The following CMPK1 variants were observed in gnomAD, a reference collection of about 807,000 sequenced individuals.
The protein encoded by CMPK1 is UMP-CMP kinase.
In CMPK1, 10 loss-of-function variants were observed where a neutral mutation model predicts 25.7. The observed-to-expected ratio is 0.39, with a 90% CI of 0.24 to 0.66. The LOEUF (loss-of-function observed/expected upper bound fraction) is 0.66. CMPK1 is among the 30% of genes least tolerant of loss of function. CMPK1 has a pLI of 0.48. For synonymous variants in CMPK1, 106 were observed against 101.5 expected (o/e 1.04, Z -0.27); for missense variants, 199 against 280.5 (o/e 0.71, Z 2.08).
intron 1 of CMPK1, among the ~76,000 whole-genome samples, chr1:47,342,642 C>CTTT (rs1421702982): frequency 2.5e-5 from 3 of 118,454 alleles, no homozygotes; most frequent in Admixed American, 9.2e-5. Context: ...TCCTTTTTCT[C>CTTT]TTTTTTCTTT....
chr1:47,335,591 C>G (rs1255943148), intron 1 of CMPK1, among the ~76,000 whole-genome samples: 1 of 140,914 alleles, frequency 7.1e-6, no homozygotes, highest in Non-Finnish European at 1.5e-5. Context: ...GAGCCCATAT[C>G]GCGCCACTGC....
intron 1 of CMPK1, among the ~76,000 whole-genome samples, chr1:47,335,871 T>C (rs1298897683): frequency 6.6e-6 from 1 of 151,754 alleles, no homozygotes; most frequent in Non-Finnish European, 1.5e-5. Context: ...TCAAGCGATT[T>C]TCCTGCCTCA....
At chr1:47,368,953 T>A (rs891254139) in intron 2 of CMPK1, among the ~76,000 whole-genome samples, 1 of 152,022 alleles carries the variant, frequency 6.6e-6, no homozygotes, top group African/African-American at 2.4e-5. Context: ...TAAACAACAA[T>A]AATAATAAAA....
At chr1:47,357,697 C>T (rs979087982) in intron 1 of CMPK1, among the ~76,000 whole-genome samples, 9 of 151,886 alleles carry the variant, frequency 5.9e-5, no homozygotes, top group African/African-American at 1.5e-4. Context: ...GTTGGTCAGG[C>T]TGATTTTCAA....
intron 1 of CMPK1, among the ~76,000 whole-genome samples, chr1:47,362,424 T>C (rs898506365): frequency 1.3e-5 from 2 of 152,064 alleles, no homozygotes; most frequent in African/African-American, 4.8e-5. Context: ...CGACTTGGCC[T>C]CCCAGAGTGT....
At chr1:47,357,190 T>C (rs544969054) in intron 1 of CMPK1, among the ~76,000 whole-genome samples, 41 of 151,646 alleles carry the variant, frequency 2.7e-4, no homozygotes, top group African/African-American at 9.4e-4. Context: ...GTCTCGATCT[T>C]CTGACCTGGT....
At chr1:47,340,651 T>C (rs545627387) in intron 1 of CMPK1, among the ~76,000 whole-genome samples, 73 of 152,246 alleles carry the variant, frequency 4.8e-4, no homozygotes, top group African/African-American at 1.7e-3. Context: ...TAATAATTTT[T>C]TTTTTTTCGA....
rs1288091258 is a variant in CMPK1, at chr1:47,378,397, T to TTCC, written c.*1654_*1656dup. The TTCC allele has an allele frequency of 6.6e-6, 1 of 152,200 alleles. No individual in the cohort carries two copies. Among genetic ancestry groups the TTCC allele is most frequent in the East Asian group, 1.9e-4 (1 of 5,204 alleles). The allele number at this position is 152,200 out of a possible 1,614,324, so 9.4% of individuals were successfully genotyped here. A position where few individuals can be genotyped will look rare whatever the true frequency, so the allele number is the denominator to read the frequency against. ...AGTAAAGACTAAGGTTTCGAGAGCA[T>TTCC]TCCTACTCACATAAGTGAAGAAATC... On this transcript the variant is annotated 3_prime_UTR_variant, in exon 6 of 6. Coordinates refer to ENST00000371873, the MANE Select transcript of CMPK1 (RefSeq NM_016308.3).
rs1192706491 is a variant in CMPK1, at chr1:47,359,334, TAAGA to T, written c.172-9129_172-9126del. On this transcript the variant is annotated intron_variant, in intron 1 of 5. Coordinates refer to ENST00000371873, the MANE Select transcript of CMPK1 (RefSeq NM_016308.3). ...TCCATCTCTAAAAAAAAATAAAAAATAAGAAAGAAGTACAGTGTGGCCTGTTTAG... is the reference window on the plus strand; with the variant it reads ...TCCATCTCTAAAAAAAAATAAAAAATAAGAAGTACAGTGTGGCCTGTTTAG... Among the ~76,000 whole-genome samples, 8 of 146,970 alleles carry T rather than the reference TAAGA, an allele frequency of 5.4e-5. No individual in the cohort carries two copies. The South Asian group carries it at 1.7e-3, about 32-fold the overall frequency.
rs1261997074 is a variant in CMPK1, at chr1:47,368,449, C to G, written c.172-20C>G. Reference sequence around the variant, plus strand: ...GGGTTGAATGAATTCTGATATTTTTCCTATGTGTGCTTCTTTCAGAAATAT... The same window carrying G: ...GGGTTGAATGAATTCTGATATTTTTGCTATGTGTGCTTCTTTCAGAAATAT... On this transcript the variant is annotated intron_variant, in intron 1 of 5. Coordinates refer to ENST00000371873, the MANE Select transcript of CMPK1 (RefSeq NM_016308.3). The G allele has an allele frequency of 1.3e-6, 2 of 1,573,920 alleles. No individual in the cohort carries two copies. The highest frequency in any genetic ancestry group is 1.7e-4 in the Middle Eastern group (1 of 5,882).
chr1:47,374,597 A>C (rs982312158), intron 3 of CMPK1, among the ~76,000 whole-genome samples: 1 of 152,252 alleles, frequency 6.6e-6, no homozygotes, highest in Non-Finnish European at 1.5e-5. Flanking sequence ...TTCATACCTA[A>C]TAAGTTAATA....
chr1:47,357,424 A>G (rs536550073), intron 1 of CMPK1, among the ~76,000 whole-genome samples: 1 of 151,570 alleles, frequency 6.6e-6, no homozygotes, highest in African/African-American at 2.4e-5. Context: ...TGGGAGCCAA[A>G]CTCATCCTTT....
intron 1 of CMPK1, among the ~76,000 whole-genome samples, chr1:47,357,373 C>G (rs2149330293): frequency 6.6e-6 from 1 of 152,220 alleles, no homozygotes; most frequent in East Asian, 1.9e-4. Flanking sequence ...CTAAATGTCA[C>G]CAGCATCTGG....
intron 2 of CMPK1, among the ~76,000 whole-genome samples, chr1:47,369,946 G>A (rs1470761327): frequency 3.5e-5 from 4 of 115,792 alleles, no homozygotes; most frequent in South Asian, 2.7e-4. Flanking sequence ...ACGGAGTTTC[G>A]CTCTGTCGCC....
rs375823191 is a variant in CMPK1, at chr1:47,341,220, ATC to A, written c.171+7108_171+7109del. ...ACTGCTTGTTATGAACTGCTTTCCC[ATC>A]TCTTTCTCAATGTTCTTGTGAACAA... On this transcript the variant is annotated intron_variant, in intron 1 of 5. Transcript: ENST00000371873. 2.9e-3 allele frequency among the ~76,000 whole-genome samples: 438 copies of A among 152,284 alleles called. 2 individuals carry two copies. Among genetic ancestry groups the A allele is most frequent in the African/African-American group, 9.9e-3 (413 of 41,550 alleles).
rs2149322492 is a variant in CMPK1 at position 47,334,814 on chromosome 1, C to T, written c.171+698C>T. The stretch of plus-strand genomic sequence containing the variant: ...GCCCTGCTGCCAACTCACGCTCGGC[C>T]CTCGGTCACTTCCTGTCTCCCAGCC... On this transcript the variant is annotated intron_variant, in intron 1 of 5. Coordinates refer to ENST00000371873, the MANE Select transcript of CMPK1 (RefSeq NM_016308.3). 1.3e-5 allele frequency among the ~76,000 whole-genome samples: 2 copies of T among 152,362 alleles called. 1 individual carries two copies. The highest frequency in any genetic ancestry group is 3.9e-4 in the East Asian group (2 of 5,188).
At chr1:47,366,470 A>C (rs1646640411) in intron 1 of CMPK1, among the ~76,000 whole-genome samples, 5 of 145,162 alleles carry the variant, frequency 3.4e-5, no homozygotes. Flanking sequence ...AAAATACCAT[A>C]ATAACTTATA....
At chr1:47,357,026 C>T (rs956790639) in intron 1 of CMPK1, among the ~76,000 whole-genome samples, 2 of 147,182 alleles carry the variant, frequency 1.4e-5, no homozygotes, top group Non-Finnish European at 1.5e-5. Context: ...TGCAGTGGCA[C>T]GATCTCGGCT....
At chr1:47,375,446 C>A (rs911839354) in intron 5 of CMPK1, among the ~76,000 whole-genome samples, 153 bp downstream of exon 5, 1 of 151,888 alleles carries the variant, frequency 6.6e-6, no homozygotes, top group Non-Finnish European at 1.5e-5. Context: ...CTTGTAATCC[C>A]AGCACAAGTG....
Sources: gnomAD v4.1 joint callset for allele counts (sites outside exome capture counted in the v4.1 genomes callset) on GRCh38, gnomAD v4.1.1 for gene constraint, MANE v1.5 for transcripts, NCBI Gene and HGNC (gene_info 2026-07-23, HGNC 2026-07-21) for gene names.